The following OLFM3 variants were observed in gnomAD, a reference collection of about 807,000 sequenced individuals.
The protein encoded by OLFM3 is olfactomedin 3.
Under a neutral mutation model 48.6 loss-of-function variants are expected in OLFM3, and 20 were observed. That is an observed-to-expected ratio of 0.41 (90% CI 0.29 to 0.60). OLFM3 has a LOEUF of 0.60. Among genes scored for constraint, OLFM3 ranks in the 20% least tolerant of loss-of-function variants. The probability of loss-of-function intolerance (pLI) is 0.28; values close to 1 mark genes in which losing one functional copy is unlikely to be tolerated. For synonymous variants in OLFM3, 222 were observed against 198.1 expected, an observed-to-expected ratio of 1.12 and a Z score of -1.01; for missense variants, 437 against 544.3, an observed-to-expected ratio of 0.80 and a Z score of 1.96.
Position 101,996,907 on chromosome 1 carries a change from C to T in OLFM3, c.-91G>A. The T allele has an allele frequency of 1.5e-6, 2 of 1,366,092 alleles. No individual in the cohort carries two copies. The highest frequency in any genetic ancestry group is 2.1e-6 in the Non-Finnish European group (2 of 963,016). 84.6% of individuals were successfully genotyped at this position (1,366,092 alleles called of 1,614,324 possible). A position where few individuals can be genotyped will look rare whatever the true frequency, so the allele number is the denominator to read the frequency against. ...TTTCCCTCGTCAGTTGCACTTTCTG[C>T]CTGCCAGTCAGAGCCGAGTGGAAGC... On this transcript the variant is annotated 5_prime_UTR_variant, in exon 1 of 6. Coordinates refer to ENST00000370103, the MANE Select transcript of OLFM3 (RefSeq NM_058170.4).
At chr1:101,949,557 C>T (rs1660057469) in intron 1 of OLFM3, among the ~76,000 whole-genome samples, 1 of 152,124 alleles carries the variant, frequency 6.6e-6, no homozygotes, top group South Asian at 2.1e-4. Context: ...CCCTACATCT[C>T]TATCTTCCTA....
intron 4 of OLFM3, among the ~76,000 whole-genome samples, chr1:101,822,025 G>A (rs1223060816): frequency 6.6e-6 from 1 of 152,132 alleles, no homozygotes; most frequent in Non-Finnish European, 1.5e-5. Context: ...GCATAAGGAT[G>A]CTATAGAAAT....
At chr1:101,896,618 C>T (rs1658212252) in intron 1 of OLFM3, among the ~76,000 whole-genome samples, 1 of 150,698 alleles carries the variant, frequency 6.6e-6, no homozygotes, top group Non-Finnish European at 1.5e-5. Context: ...CCTCAGCCTC[C>T]CCAGTAGCTG....
At chr1:101,850,075 A>T (rs1268929904) in intron 1 of OLFM3, among the ~76,000 whole-genome samples, 1 of 152,176 alleles carries the variant, frequency 6.6e-6, no homozygotes, top group African/African-American at 2.4e-5. Flanking sequence ...AAACTACCAC[A>T]ATTTTCATTT....
chr1:101,817,948 A>G (rs1454848082), intron 4 of OLFM3, among the ~76,000 whole-genome samples: 1 of 152,078 alleles, frequency 6.6e-6, no homozygotes, highest in Non-Finnish European at 1.5e-5. Flanking sequence ...TAGGGATAAG[A>G]ATGGATATTT....
At chr1:101,851,529 G>C (rs529252680) in intron 1 of OLFM3, among the ~76,000 whole-genome samples, 1 of 152,268 alleles carries the variant, frequency 6.6e-6, no homozygotes, top group East Asian at 1.9e-4. Context: ...GCAGCTTGGA[G>C]TATATGCTGT....
chr1:101,837,597 G>C (rs1052963031), intron 1 of OLFM3: 1 of 151,788 alleles, frequency 6.6e-6, no homozygotes, highest in Non-Finnish European at 1.5e-5. Context: ...AGAGGACTTA[G>C]AGTTTTTGGC....
intron 1 of OLFM3, among the ~76,000 whole-genome samples, chr1:101,944,272 C>T: frequency 6.6e-6 from 1 of 151,978 alleles, no homozygotes; most frequent in East Asian, 1.9e-4. Context: ...TTACCACAGA[C>T]CAGAACATAC....
At chr1:101,838,093 G>A (rs1655525187) in intron 1 of OLFM3, among the ~76,000 whole-genome samples, 1 of 151,894 alleles carries the variant, frequency 6.6e-6, no homozygotes, top group Admixed American at 6.6e-5. Context: ...CAGCCTCCTG[G>A]GCTCAAGCAA....
intron 1 of OLFM3, among the ~76,000 whole-genome samples, chr1:101,886,111 T>C (rs1657748562): frequency 6.6e-6 from 1 of 152,080 alleles, no homozygotes; most frequent in Non-Finnish European, 1.5e-5. Flanking sequence ...AGGGAGTACA[T>C]ACAAAAACAA....
At chr1:101,969,062 A>G (rs1660702361) in intron 1 of OLFM3, among the ~76,000 whole-genome samples, 1 of 152,184 alleles carries the variant, frequency 6.6e-6, no homozygotes, top group Non-Finnish European at 1.5e-5. Context: ...AGTGACCCAG[A>G]GTGAACAGCC....
At chr1:101,821,400 G>C (rs1570519000) in intron 4 of OLFM3, among the ~76,000 whole-genome samples, 1 of 151,890 alleles carries the variant, frequency 6.6e-6, no homozygotes, top group Non-Finnish European at 1.5e-5. Context: ...CTTTCAAGTA[G>C]AGTGGCTCTT....
intron 1 of OLFM3, among the ~76,000 whole-genome samples, chr1:101,844,312 ATACTT>A (rs1655877538): frequency 1.3e-5 from 2 of 152,284 alleles, no homozygotes; most frequent in South Asian, 2.1e-4. Context: ...ATGAGAAAAC[ATACTT>A]TAAAGGATGA....
intron 1 of OLFM3, among the ~76,000 whole-genome samples, chr1:101,842,701 G>C (rs749089150): frequency 1.3e-5 from 2 of 152,068 alleles, no homozygotes; most frequent in Non-Finnish European, 2.9e-5. Flanking sequence ...GTTTCCATTA[G>C]ACCTCTGCAT....
intron 1 of OLFM3, among the ~76,000 whole-genome samples, chr1:101,963,431 T>G (rs1166172832): frequency 1.3e-5 from 2 of 152,160 alleles, no homozygotes; most frequent in African/African-American, 4.8e-5. Flanking sequence ...CACTTCAAAG[T>G]TCTGCAAATG....
chr1:101,993,477 G>T (rs146985617), intron 1 of OLFM3, among the ~76,000 whole-genome samples: 1 of 152,102 alleles, frequency 6.6e-6, no homozygotes, highest in African/African-American at 2.4e-5. Flanking sequence ...CAGGCTTTCG[G>T]TGTTTGAAAT....
At chr1:101,910,383 G>A (rs373869105) in intron 1 of OLFM3, among the ~76,000 whole-genome samples, 1 of 151,608 alleles carries the variant, frequency 6.6e-6, no homozygotes, top group Admixed American at 6.6e-5. Flanking sequence ...AGAGAATGGC[G>A]TGAACCCGGG....
Position 101,996,828 on chromosome 1 carries a change from T to C in OLFM3, c.-12A>G, listed in dbSNP as rs373451508. ...GACGTCGCCTGCATTCTGATCTGGGTTTTTGCCCCTCTTTACTCTCTTTTA... is the reference window on the plus strand; with the variant it reads ...GACGTCGCCTGCATTCTGATCTGGGCTTTTGCCCCTCTTTACTCTCTTTTA... On this transcript the variant is annotated 5_prime_UTR_variant, in exon 1 of 6. Transcript: ENST00000370103. The C allele has an allele frequency of 3.7e-6, 6 of 1,613,934 alleles. No homozygotes were observed. The highest frequency in any genetic ancestry group is 5.1e-6 in the Non-Finnish European group (6 of 1,179,866).
chr1:101,852,215 A>AT (rs1656249213), intron 1 of OLFM3, among the ~76,000 whole-genome samples: 1 of 152,034 alleles, frequency 6.6e-6, no homozygotes, highest in Admixed American at 6.6e-5. Flanking sequence ...CCTTTACAGC[A>AT]TACCCTCTGA....
Sources: gnomAD v4.1 joint callset for allele counts (sites outside exome capture counted in the v4.1 genomes callset) on GRCh38, gnomAD v4.1.1 for gene constraint, MANE v1.5 for transcripts, NCBI Gene and HGNC (gene_info 2026-07-23, HGNC 2026-07-21) for gene names.